Variants in CDK11B observed in about 807,000 individuals in gnomAD.
The protein encoded by CDK11B is cyclin-dependent kinase 11B.
Under a neutral mutation model 84.0 loss-of-function variants are expected in CDK11B, and 37 were observed. That is an observed-to-expected ratio of 0.44 (90% CI 0.34 to 0.58). The LOEUF (loss-of-function observed/expected upper bound fraction) is 0.58, where lower values mean the gene tolerates loss of function less well. Ranked by LOEUF, CDK11B falls within the 20% of genes least tolerant of loss-of-function variation. The pLI is 0.02. For missense variants in CDK11B, 427 were observed against 834.0 expected (o/e 0.51, Z 6.01); for synonymous variants, 269 against 309.8 (o/e 0.87, Z 1.38).
chr1:1,640,350 T>G lies in CDK11B; in HGVS notation c.1178A>C (p.Tyr393Ser). Residue 393 changes from tyrosine to serine, a missense_variant, in exon 11 of 20, where the codon TAT becomes TCT. Coordinates refer to ENST00000341832, the MANE Select transcript of CDK11B (RefSeq NM_033486.3). ...PQSSALTEGD[Y>S]VPDSPALSPI... ...CGACAGGGCAGGGGAGTCGGGCACA[T>G]AGTCGCCCTCTGTCAGGGCGCTGCT... 1.9e-6 allele frequency: 3 copies of G among 1,613,674 alleles called. No individual in the cohort carries two copies. The highest frequency in any genetic ancestry group is 2.5e-6 in the Non-Finnish European group (3 of 1,179,662).
chr1:1,636,834 GC>G lies in CDK11B; in HGVS notation c.1801-37del, dbSNP rs751848676. ...AGGAGAGGTGTTCAGGAGGGCCAGTGCCCGCGAAGCTGTGGGAGGCTGCGTG... is the reference window on the plus strand; with the variant it reads ...AGGAGAGGTGTTCAGGAGGGCCAGTGCCGCGAAGCTGTGGGAGGCTGCGTG... On this transcript the variant is annotated intron_variant, in intron 16 of 19. Coordinates refer to ENST00000341832, the MANE Select transcript of CDK11B (RefSeq NM_033486.3). The G allele has an allele frequency of 2.5e-6, 4 of 1,613,268 alleles. No individual in the cohort carries two copies. In the African/African-American group the frequency reaches 5.3e-5, roughly 22 times the overall value.
chr1:1,638,353 G>C (rs1375940415), intron 12 of CDK11B, 147 bp downstream of exon 12: 14 of 660,250 alleles, frequency 2.1e-5, no homozygotes, highest in Non-Finnish European at 3.0e-5. Context: ...CCCAGGGCCA[G>C]GCTGACCTCT....
At chr1:1,640,047 G>A (rs552827075) in intron 11 of CDK11B, among the ~76,000 whole-genome samples, 17 of 151,944 alleles carry the variant, frequency 1.1e-4, no homozygotes, top group African/African-American at 3.6e-4. Flanking sequence ...TCAAGCCGCA[G>A]AGCAGTCCTG....
At position 1,637,881 on chromosome 1, in the gene CDK11B, C is replaced by A; in HGVS notation, c.1345G>T (p.Glu449Ter). ...VYRAKDKKTDEIVALKRLKME... is the reference protein window; with the variant it reads ...VYRAKDKKTD ...TTCAGCCGCTTTAGAGCCACAATTT[C>A]ATCTGTGAAGAAAATACAGACGGCA... Residue 449 changes from glutamate to a stop codon, truncating the protein, a stop_gained and splice_region_variant, in exon 13 of 20, where the codon GAA becomes TAA. Transcript: ENST00000341832. LOFTEE classifies it high-confidence loss of function. 1.2e-6 allele frequency: 2 copies of A among 1,613,616 alleles called. No individual in the cohort carries two copies. The highest frequency in any genetic ancestry group is 1.7e-6 in the Non-Finnish European group (2 of 1,179,636).
intron 10 of CDK11B, 57 bp downstream of exon 10, chr1:1,640,991 G>A: frequency 2.5e-6 from 4 of 1,593,260 alleles, no homozygotes; most frequent in Admixed American, 1.7e-5. Context: ...CTTAGGAGAG[G>A]GCTGCTGCAC....
rs1443814161 is a variant in CDK11B at position 1,635,642 on chromosome 1, A to G, written c.*122T>C. 6.2e-4 allele frequency: 233 copies of G among 377,904 alleles called. 43 individuals are homozygous for G. In the African/African-American group the frequency reaches 0.011, roughly 17 times the overall value. The allele number at this position is 377,904 out of a possible 1,614,324, so 23.4% of individuals were successfully genotyped here. A position where few individuals can be genotyped will look rare whatever the true frequency, so the allele number is the denominator to read the frequency against. On this transcript the variant is annotated 3_prime_UTR_variant, in exon 20 of 20. Transcript: ENST00000341832. ...TCTACAAATTTACAAACCAAAATACAAAAACAAAACATGGAGCACAAAGTA... is the reference window on the plus strand; with the variant it reads ...TCTACAAATTTACAAACCAAAATACGAAAACAAAACATGGAGCACAAAGTA...
chr1:1,649,844 AGG>A (rs1641660890), intron 4 of CDK11B, among the ~76,000 whole-genome samples: 1 of 150,686 alleles, frequency 6.6e-6, no homozygotes, highest in African/African-American at 2.4e-5. Context: ...GCGTGGTGGC[AGG>A]CACCTGTAAT....
At chr1:1,650,184 A>G (rs1273594772) in intron 4 of CDK11B, among the ~76,000 whole-genome samples, 78 of 140,410 alleles carry the variant, frequency 5.6e-4, no homozygotes, top group South Asian at 7.5e-4. Flanking sequence ...GCGGGAGAAT[A>G]GCGTGAACCC....
chr1:1,655,024 TG>T (rs1642557382), intron 3 of CDK11B, among the ~76,000 whole-genome samples: 1 of 152,148 alleles, frequency 6.6e-6, no homozygotes, highest in Non-Finnish European at 1.5e-5. Context: ...TGACCTCAGC[TG>T]ATCAGCCCGC....
chr1:1,653,663 T>G (rs1217002680), intron 3 of CDK11B, among the ~76,000 whole-genome samples: 1 of 151,964 alleles, frequency 6.6e-6, no homozygotes, highest in East Asian at 1.9e-4. Context: ...TTTATGTTAT[T>G]TATTCCCCAA....
At chr1:1,658,830 C>G (rs111946117) in intron 1 of CDK11B, 84 bp downstream of exon 1, 31,081 of 154,168 alleles carry the variant, frequency 0.2, 3,386 homozygotes, top group Middle Eastern at 0.27. Context: ...GGGTCCGCCC[C>G]GCTCCGAGGC....
In CDK11B at chr1:1,652,049, G is replaced by A. The variant is rs1431826699; in HGVS notation, c.355+390C>T. 1.2e-4 allele frequency among the ~76,000 whole-genome samples: 18 copies of A among 151,260 alleles called. No individual in the cohort carries two copies. In the East Asian group the frequency reaches 2.6e-3, roughly 21 times the overall value. ...CTCTGGTTTTTGGTCTGTGACACAC[G>A]CATGCTTTTAGTTAGTTTGCTCTCA... On this transcript the variant is annotated intron_variant, in intron 4 of 19. Coordinates refer to ENST00000341832, the MANE Select transcript of CDK11B (RefSeq NM_033486.3).
intron 1 of CDK11B, among the ~76,000 whole-genome samples, chr1:1,657,925 AAG>A (rs1491167289): frequency 2.8e-3 from 398 of 140,368 alleles, no homozygotes; most frequent in Non-Finnish European, 3.4e-3. Context: ...AAAAAAAAAA[AAG>A]TAAGCTCTAG....
intron 4 of CDK11B, among the ~76,000 whole-genome samples, chr1:1,651,137 C>T (rs1465325063): frequency 0.34 from 51,748 of 152,008 alleles, 9,641 homozygotes; most frequent in African/African-American, 0.49. Context: ...TAAGAACCTC[C>T]TGATGTTGGT....
At chr1:1,637,034 G>A (rs1243086319) in intron 15 of CDK11B, 30 bp from the exon 16 acceptor site, 8 of 1,613,032 alleles carry the variant, frequency 5.0e-6, no homozygotes, top group African/African-American at 1.3e-5. Context: ...GCTGTGAGTG[G>A]GCCCCGGCAG....
chr1:1,643,445 A>T (rs1294790242), intron 6 of CDK11B, among the ~76,000 whole-genome samples: 22 of 151,720 alleles, frequency 1.5e-4, no homozygotes, highest in South Asian at 6.2e-4. Context: ...AACACAAGAG[A>T]AACAAAGAAA....
intron 4 of CDK11B, among the ~76,000 whole-genome samples, chr1:1,651,126 G>GT (rs1180406910): frequency 5.9e-5 from 9 of 152,072 alleles, no homozygotes; most frequent in African/African-American, 1.7e-4. Context: ...CCTAACACCC[G>GT]TAAGAACCTC....
intron 4 of CDK11B, 108 bp downstream of exon 4, chr1:1,652,331 G>C: frequency 9.5e-6 from 9 of 952,252 alleles, no homozygotes; most frequent in Non-Finnish European, 1.3e-5. Flanking sequence ...TTCAGCTAGA[G>C]TTTGCTTTCT....
At chr1:1,656,912 G>A (rs1642830277) in intron 2 of CDK11B, among the ~76,000 whole-genome samples, 1 of 151,680 alleles carries the variant, frequency 6.6e-6, no homozygotes, top group Non-Finnish European at 1.5e-5. Context: ...CCCAAATGAT[G>A]CTGCTAAAGA....
Sources: gnomAD v4.1 joint callset for allele counts (sites outside exome capture counted in the v4.1 genomes callset) on GRCh38, gnomAD v4.1.1 for gene constraint, MANE v1.5 for transcripts, NCBI Gene and HGNC (gene_info 2026-07-23, HGNC 2026-07-21) for gene names.